The following SUGCT variants were observed in gnomAD, a reference collection of about 807,000 sequenced individuals.
SUGCT encodes the protein succinyl-CoA:glutarate CoA-transferase.
Under a neutral mutation model 55.0 loss-of-function variants are expected in SUGCT, and 41 were observed. The observed-to-expected ratio is 0.74, with a 90% CI of 0.58 to 0.97. The LOEUF is 0.97. Ranked by LOEUF, SUGCT falls within the 50% of genes least tolerant of loss-of-function variation. The pLI, the probability that SUGCT is intolerant of heterozygous loss-of-function variation, is 0.00. For missense variants in SUGCT, 568 were observed against 547.8 expected (o/e 1.04, Z -0.37); for synonymous variants, 187 against 200.4 (o/e 0.93, Z 0.56).
chr7:40,405,331 C>A (rs1455419355), intron 9 of SUGCT, among the ~76,000 whole-genome samples: 1 of 152,154 alleles, frequency 6.6e-6, no homozygotes, highest in Non-Finnish European at 1.5e-5. Context: ...TAAATATCGA[C>A]CACAGTTTCT....
chr7:40,153,202 G>T, intron 1 of SUGCT: 1 of 359,222 alleles, frequency 2.8e-6, no homozygotes, highest in South Asian at 2.3e-5. Context: ...AGCCATCAAA[G>T]GAGATAGCAA....
In SUGCT at chr7:40,406,089, A is replaced by G. The variant is rs902947481; in HGVS notation, c.817-43198A>G. 3.3e-5 allele frequency among the ~76,000 whole-genome samples: 5 copies of G among 152,244 alleles called. No homozygotes were observed. In the South Asian group the frequency reaches 8.3e-4, roughly 25 times the overall value. ...GTTTTTCGAAGGTAGTTTGATAGGC[A>G]GGTGGCTAGGGAATGGGGGATGCTG... On this transcript the variant is annotated intron_variant, in intron 9 of 13. Transcript: ENST00000335693.
intron 12 of SUGCT, among the ~76,000 whole-genome samples, chr7:40,618,689 A>C (rs1799124650): frequency 6.6e-6 from 1 of 152,180 alleles, no homozygotes; most frequent in South Asian, 2.1e-4. Context: ...TTCGTTCATA[A>C]GGCACTATAC....
At chr7:40,357,018 T>TTTAGC (rs1255046630) in intron 9 of SUGCT, among the ~76,000 whole-genome samples, 1 of 152,232 alleles carries the variant, frequency 6.6e-6, no homozygotes, top group African/African-American at 2.4e-5. Flanking sequence ...GACACATTTC[T>TTTAGC]TTAGCTGCTG....
chr7:40,413,229 T>A (rs958687226), intron 9 of SUGCT, among the ~76,000 whole-genome samples: 2 of 152,294 alleles, frequency 1.3e-5, no homozygotes, highest in African/African-American at 4.8e-5. Flanking sequence ...TCCTTTCTGG[T>A]TGGTTTACTC....
chr7:40,520,483 T>C (rs1187772047), intron 12 of SUGCT, among the ~76,000 whole-genome samples: 1 of 152,046 alleles, frequency 6.6e-6, no homozygotes, highest in Non-Finnish European at 1.5e-5. Flanking sequence ...AGAGAAATAA[T>C]GGATATGAAA....
Position 40,242,933 on chromosome 7 carries a change from ATTTTTTTTTTTTTTT to A in SUGCT, c.576+5222_576+5236del, listed in dbSNP as rs70996894. 9.8e-3 allele frequency among the ~76,000 whole-genome samples: 168 copies of A among 17,228 alleles called. 3 individuals carry two copies. The highest frequency in any genetic ancestry group is 0.024 in the African/African-American group (160 of 6,610). 11.3% of individuals were successfully genotyped at this position (17,228 alleles called of 152,430 possible). ...TATATATATATATATATATATATAT[ATTTTTTTTTTTTTTT>A]TTTTTTTTTTTTTTGAGACAAGGTC... is the stretch of plus-strand genomic sequence containing the variant. On this transcript the variant is annotated intron_variant, in intron 7 of 13. Coordinates refer to ENST00000335693, the MANE Select transcript of SUGCT (RefSeq NM_001193313.2).
intron 9 of SUGCT, among the ~76,000 whole-genome samples, chr7:40,409,954 G>T (rs559258740): frequency 6.6e-6 from 1 of 152,064 alleles, no homozygotes; most frequent in African/African-American, 2.4e-5. Flanking sequence ...AGCAAGTTTT[G>T]TAGATTTCTT....
intron 13 of SUGCT, among the ~76,000 whole-genome samples, chr7:40,769,866 A>G (rs1313196574): frequency 1.3e-5 from 2 of 152,170 alleles, no homozygotes; most frequent in African/African-American, 2.4e-5. Context: ...CAAGGCCCCA[A>G]ATGTACACAC....
At chr7:40,962,999 A>G in the SUGCT span, among the ~76,000 whole-genome samples, 2 of 152,074 alleles carry the variant, frequency 1.3e-5, no homozygotes, top group Non-Finnish European at 2.9e-5. Context: ...AACCAAGGGG[A>G]TTGTATTTTA....
At chr7:40,813,333 G>A (rs111775426) in intron 13 of SUGCT, among the ~76,000 whole-genome samples, 1,895 of 152,120 alleles carry the variant, frequency 0.012, 28 homozygotes, top group Non-Finnish European at 0.022. Flanking sequence ...CTATTATTGT[G>A]TGGCTGTGTA....
chr7:40,961,720 G>A, the SUGCT span, among the ~76,000 whole-genome samples: 2 of 152,260 alleles, frequency 1.3e-5, no homozygotes, highest in Admixed American at 1.3e-4. Flanking sequence ...ATGTTCAGAT[G>A]TGTCCAGAGT....
chr7:40,370,244 A>G (rs1784224948), intron 9 of SUGCT, among the ~76,000 whole-genome samples: 1 of 152,162 alleles, frequency 6.6e-6, no homozygotes, highest in South Asian at 2.1e-4. Context: ...CCTAGAAAAG[A>G]TAGGCAAAAA....
At chr7:40,228,058 T>C (rs151307407) in intron 6 of SUGCT, among the ~76,000 whole-genome samples, 169 of 152,140 alleles carry the variant, frequency 1.1e-3, no homozygotes, top group Admixed American at 1.9e-3. Flanking sequence ...AATTTTGTAT[T>C]TTTAGTAGAG....
intron 8 of SUGCT, among the ~76,000 whole-genome samples, chr7:40,303,544 C>T (rs960987055): frequency 4.0e-5 from 6 of 150,878 alleles, no homozygotes; most frequent in Non-Finnish European, 5.9e-5. Flanking sequence ...AGTACAGTGG[C>T]GCGATCTTGA....
intron 6 of SUGCT, among the ~76,000 whole-genome samples, chr7:40,229,706 C>T (rs1006289705): frequency 9.3e-5 from 14 of 150,062 alleles, no homozygotes; most frequent in African/African-American, 3.2e-4. Context: ...CCCAGCTACT[C>T]GGGAGGCTGA....
At chr7:40,395,379 C>G (rs879275086) in intron 9 of SUGCT, among the ~76,000 whole-genome samples, 1 of 148,216 alleles carries the variant, frequency 6.7e-6, no homozygotes, top group Non-Finnish European at 1.5e-5. Context: ...ATTCCAGCTA[C>G]TTGGGAGGCT....
At chr7:40,774,594 C>T (rs1003727330) in intron 13 of SUGCT, among the ~76,000 whole-genome samples, 2 of 151,890 alleles carry the variant, frequency 1.3e-5, no homozygotes, top group Admixed American at 6.6e-5. Context: ...ACTGTCTTGC[C>T]GAAATGCAGT....
chr7:40,898,488 G>GGCGC, the SUGCT span, among the ~76,000 whole-genome samples: 2 of 85,242 alleles, frequency 2.3e-5, 1 homozygote, highest in Non-Finnish European at 4.3e-5. Context: ...GTCGGGGGGG[G>GGCGC]GGGGGGGGGT....
Sources: allele counts gnomAD v4.1 joint callset (sites outside exome capture counted in the v4.1 genomes callset), GRCh38; gene constraint gnomAD v4.1.1; transcripts MANE v1.5; gene names NCBI Gene and HGNC (gene_info 2026-07-23, HGNC 2026-07-21).